Variants in ST6GALNAC5 observed in about 807,000 individuals in gnomAD.
ST6GALNAC5 encodes the protein alpha-N-acetylgalactosaminide alpha-2,6-sialyltransferase 5.
ST6GALNAC5 carries 27 observed loss-of-function variants against 33.6 expected under a neutral mutation model. The ratio of observed to expected loss-of-function variants is 0.80; its 90% CI spans 0.59 to 1.11. ST6GALNAC5 has a LOEUF of 1.11. Among genes scored for constraint, ST6GALNAC5 ranks in the 50% least tolerant of loss-of-function variants. The pLI is 0.00. For missense variants in ST6GALNAC5, 428 were observed against 454.0 expected (o/e 0.94, Z 0.52); for synonymous variants, 194 against 171.2 (o/e 1.13, Z -1.04).
At chr1:77,031,539 A>C (rs1651457245) in intron 2 of ST6GALNAC5, among the ~76,000 whole-genome samples, 1 of 152,230 alleles carries the variant, frequency 6.6e-6, no homozygotes, top group Non-Finnish European at 1.5e-5. Context: ...TTAGATAATA[A>C]AACAAATAGA....
At chr1:76,897,290 G>T (rs969449313) in intron 2 of ST6GALNAC5, among the ~76,000 whole-genome samples, 4 of 152,118 alleles carry the variant, frequency 2.6e-5, no homozygotes, top group Admixed American at 1.3e-4. Flanking sequence ...GTGGAGGGAG[G>T]TATTGAGGAT....
chr1:76,901,525 A>G (rs1258354256), intron 2 of ST6GALNAC5, among the ~76,000 whole-genome samples: 1 of 152,250 alleles, frequency 6.6e-6, no homozygotes, highest in East Asian at 1.9e-4. Flanking sequence ...CAAACACTGT[A>G]TCTGAGAAAC....
At chr1:76,989,273 T>C (rs1649627781) in intron 2 of ST6GALNAC5, among the ~76,000 whole-genome samples, 1 of 152,006 alleles carries the variant, frequency 6.6e-6, no homozygotes, top group Non-Finnish European at 1.5e-5. Context: ...TTTATTTCCT[T>C]AATTCTTCTA....
intron 2 of ST6GALNAC5, among the ~76,000 whole-genome samples, chr1:76,893,531 G>T (rs114772770): frequency 0.024 from 3,650 of 152,238 alleles, 66 homozygotes; most frequent in Non-Finnish European, 0.036. Context: ...CACGTCATTG[G>T]AATTATTAGG....
chr1:76,875,104 TA>T (rs1653607191), intron 2 of ST6GALNAC5, among the ~76,000 whole-genome samples: 1 of 152,224 alleles, frequency 6.6e-6, no homozygotes, highest in African/African-American at 2.4e-5. Context: ...CAAACGTTTT[TA>T]ACAGAAGAAG....
At chr1:76,954,080 G>C (rs1647855002) in intron 2 of ST6GALNAC5, among the ~76,000 whole-genome samples, 1 of 152,106 alleles carries the variant, frequency 6.6e-6, no homozygotes, top group African/African-American at 2.4e-5. Flanking sequence ...TATTGATTAG[G>C]AGGGAAAAAG....
At chr1:76,972,629 C>T (rs1297459546) in intron 2 of ST6GALNAC5, among the ~76,000 whole-genome samples, 1 of 152,114 alleles carries the variant, frequency 6.6e-6, no homozygotes, top group African/African-American at 2.4e-5. Context: ...TATAAACCTA[C>T]AAACATAATA....
intron 2 of ST6GALNAC5, among the ~76,000 whole-genome samples, chr1:76,915,952 G>A (rs1266603016): frequency 6.6e-6 from 1 of 150,488 alleles, no homozygotes; most frequent in Non-Finnish European, 1.5e-5. Context: ...AATTTGGAAT[G>A]TTAACAGAAA....
At chr1:77,035,076 G>C (rs925618532) in intron 2 of ST6GALNAC5, among the ~76,000 whole-genome samples, 3 of 152,150 alleles carry the variant, frequency 2.0e-5, no homozygotes, top group African/African-American at 7.2e-5. Context: ...GGAAAACACA[G>C]ATTGCTGGGC....
intron 2 of ST6GALNAC5, among the ~76,000 whole-genome samples, chr1:76,934,009 C>T (rs1647171603): frequency 6.6e-6 from 1 of 151,946 alleles, no homozygotes; most frequent in Admixed American, 6.6e-5. Context: ...CACAAACCTC[C>T]ATTTTCCTTT....
intron 2 of ST6GALNAC5, among the ~76,000 whole-genome samples, chr1:76,937,361 T>G (rs1356374252): frequency 1.3e-5 from 2 of 151,984 alleles, no homozygotes; most frequent in Admixed American, 1.3e-4. Flanking sequence ...CACTCAAAAC[T>G]CATAGATGTG....
chr1:76,991,862 CACAG>C (rs757570766), intron 2 of ST6GALNAC5, among the ~76,000 whole-genome samples: 2 of 149,480 alleles, frequency 1.3e-5, no homozygotes, highest in East Asian at 3.9e-4. Context: ...CACACACACA[CACAG>C]ACACCCTGCC....
intron 3 of ST6GALNAC5, among the ~76,000 whole-genome samples, chr1:77,048,282 C>A (rs12239079): frequency 0.071 from 10,838 of 152,188 alleles, 532 homozygotes; most frequent in Middle Eastern, 0.11. Context: ...GCTCTAAAAG[C>A]AGAGGGAATA....
At chr1:77,062,248 A>G (rs1446337332) in intron 4 of ST6GALNAC5, among the ~76,000 whole-genome samples, 3 of 152,184 alleles carry the variant, frequency 2.0e-5, no homozygotes, top group African/African-American at 7.2e-5. Context: ...GTAAACAGCA[A>G]CAACAATTCC....
At chr1:76,984,213 G>A (rs1192849390) in intron 2 of ST6GALNAC5, among the ~76,000 whole-genome samples, 1 of 152,158 alleles carries the variant, frequency 6.6e-6, no homozygotes, top group Non-Finnish European at 1.5e-5. Context: ...AAAAATTAAT[G>A]AATTCAGGAG....
intron 2 of ST6GALNAC5, among the ~76,000 whole-genome samples, chr1:76,903,155 G>C (rs1646834198): frequency 6.6e-6 from 1 of 152,100 alleles, no homozygotes; most frequent in East Asian, 1.9e-4. Context: ...TTTGGAACTT[G>C]TATCCAGAAT....
chr1:77,039,113 C>T (rs929549335), intron 2 of ST6GALNAC5, among the ~76,000 whole-genome samples: 2 of 152,224 alleles, frequency 1.3e-5, no homozygotes, highest in East Asian at 1.9e-4. Flanking sequence ...AGAGACCCCA[C>T]CCACCTGCCT....
intron 2 of ST6GALNAC5, among the ~76,000 whole-genome samples, chr1:76,991,833 G>A (rs952530074): frequency 1.1e-4 from 13 of 121,642 alleles, no homozygotes; most frequent in African/African-American, 3.2e-4. Context: ...TAACTCACGC[G>A]TGTGCGCACA....
intron 2 of ST6GALNAC5, among the ~76,000 whole-genome samples, chr1:76,989,521 T>C (rs1307184705): frequency 1.1e-5 from 1 of 88,744 alleles, no homozygotes; most frequent in Non-Finnish European, 2.8e-5. Context: ...TATTAATACA[T>C]TTTTTGCCTT....
Sources: gnomAD v4.1 joint callset for allele counts (sites outside exome capture counted in the v4.1 genomes callset) on GRCh38, gnomAD v4.1.1 for gene constraint, MANE v1.5 for transcripts, NCBI Gene and HGNC (gene_info 2026-07-23, HGNC 2026-07-21) for gene names.